The following RASGRF2 variants were observed in gnomAD, a reference collection of about 807,000 sequenced individuals.
The protein encoded by RASGRF2 is ras-specific guanine nucleotide-releasing factor 2.
In RASGRF2, 76 loss-of-function variants were observed where a neutral mutation model predicts 151.0. The observed-to-expected ratio is 0.50, with a 90% CI of 0.42 to 0.61. The LOEUF (loss-of-function observed/expected upper bound fraction) is 0.61. RASGRF2 is among the 20% of genes least tolerant of loss of function. The pLI, the probability that RASGRF2 is intolerant of heterozygous loss-of-function variation, is 0.00. For synonymous variants in RASGRF2, 504 were observed against 566.5 expected (o/e 0.89, Z 1.57); for missense variants, 1,148 against 1,564.6 (o/e 0.73, Z 4.49).
chr5:80,994,659 C>A (rs1307691143), intron 1 of RASGRF2, among the ~76,000 whole-genome samples: 1 of 152,140 alleles, frequency 6.6e-6, no homozygotes, highest in East Asian at 1.9e-4. Flanking sequence ...GACTGCCTCT[C>A]CTGTGAAGAA....
intron 13 of RASGRF2, among the ~76,000 whole-genome samples, chr5:81,109,676 A>G (rs764477486): frequency 6.6e-6 from 1 of 152,096 alleles, no homozygotes; most frequent in South Asian, 2.1e-4. Context: ...AAAAAAAAAT[A>G]CCAACGAAGA....
chr5:81,183,192 C>T (rs914354188), intron 18 of RASGRF2: 25 of 983,976 alleles, frequency 2.5e-5, no homozygotes, highest in African/African-American at 1.6e-4. Flanking sequence ...GAGGCCACTT[C>T]GATTTCTAGA....
chr5:81,162,324 T>C (rs1255343147), intron 17 of RASGRF2, among the ~76,000 whole-genome samples: 4 of 151,752 alleles, frequency 2.6e-5, no homozygotes, highest in Non-Finnish European at 5.9e-5. Context: ...AAATGTGGAA[T>C]GTGCTGGGGG....
At position 80,968,596 on chromosome 5, in the gene RASGRF2, T is replaced by C. The variant is rs181180481; in HGVS notation, c.288+7570T>C. Among the ~76,000 whole-genome samples the C allele has an allele frequency of 4.1e-4, 63 of 152,328 alleles. 1 individual carries two copies. The highest frequency in any genetic ancestry group is 1.0e-3 in the Admixed American group (16 of 15,304). On this transcript the variant is annotated intron_variant, in intron 1 of 26. Coordinates refer to ENST00000265080, the MANE Select transcript of RASGRF2 (RefSeq NM_006909.3). ...TTCATGTTATAATAAAGGAAAAAAC[T>C]TAAGACAATAGTTGTGAAGACATAA...
intron 17 of RASGRF2, among the ~76,000 whole-genome samples, chr5:81,131,329 A>G (rs1315278999): frequency 6.6e-6 from 1 of 151,970 alleles, no homozygotes; most frequent in Non-Finnish European, 1.5e-5. Flanking sequence ...TAATTTCCAC[A>G]TAGACTGGAA....
At chr5:81,154,983 G>A (rs1754226990) in intron 17 of RASGRF2, among the ~76,000 whole-genome samples, 1 of 152,022 alleles carries the variant, frequency 6.6e-6, no homozygotes. Context: ...ATTCTAACTG[G>A]GGTGAGGTGA....
At position 81,070,669 on chromosome 5, in the gene RASGRF2, C is replaced by T. The variant is rs1304863828; in HGVS notation, c.633+88C>T. The T allele has an allele frequency of 5.4e-5, 62 of 1,146,992 alleles. No individual in the cohort carries two copies. The East Asian group carries it at 7.6e-4, about 14-fold the overall frequency. The allele number at this position is 1,146,992 out of a possible 1,614,324, so 71.1% of individuals were successfully genotyped here. ...TGTCTTTGCCACCCTGTGCGTGAGC[C>T]GGGAGCAGCCTTGGTGTTTCTGGGC... On this transcript the variant is annotated intron_variant, in intron 4 of 26. Coordinates refer to ENST00000265080, the MANE Select transcript of RASGRF2 (RefSeq NM_006909.3).
intron 1 of RASGRF2, among the ~76,000 whole-genome samples, chr5:81,028,700 A>G (rs938800626): frequency 8.5e-5 from 13 of 152,236 alleles, no homozygotes; most frequent in Non-Finnish European, 1.8e-4. Flanking sequence ...AGATGGCCGA[A>G]TAGGAACAGC....
chr5:80,994,134 G>C lies in RASGRF2; in HGVS notation c.288+33108G>C, dbSNP rs563331554. Among the ~76,000 whole-genome samples, 22 of 152,122 alleles carry C rather than the reference G, an allele frequency of 1.4e-4. No individual in the cohort carries two copies. In the South Asian group the frequency reaches 3.3e-3, roughly 23 times the overall value. On this transcript the variant is annotated intron_variant, in intron 1 of 26. Coordinates refer to ENST00000265080, the MANE Select transcript of RASGRF2 (RefSeq NM_006909.3). The stretch of plus-strand genomic sequence containing the variant: ...AAGAAGGGGTAGTCTGGGAGGCCAG[G>C]GCGGGCGGATCACGAGGTCAGGAGA...
chr5:80,978,691 G>A (rs1748204260), intron 1 of RASGRF2, among the ~76,000 whole-genome samples: 2 of 152,150 alleles, frequency 1.3e-5, no homozygotes, highest in Admixed American at 1.3e-4. Flanking sequence ...GGAGGCTGAG[G>A]TGGGAGAATC....
chr5:81,145,266 G>C (rs1462886350), intron 17 of RASGRF2, among the ~76,000 whole-genome samples: 2 of 151,960 alleles, frequency 1.3e-5, no homozygotes, highest in Non-Finnish European at 2.9e-5. Flanking sequence ...TGAAGAAGGG[G>C]CCCACAGTCT....
intron 17 of RASGRF2, among the ~76,000 whole-genome samples, chr5:81,139,513 A>G (rs1184532063): frequency 2.7e-5 from 4 of 150,794 alleles, no homozygotes; most frequent in Non-Finnish European, 4.4e-5. Flanking sequence ...GGCAGCTGCC[A>G]CCACACACAC....
intron 17 of RASGRF2, among the ~76,000 whole-genome samples, chr5:81,156,571 A>G (rs1754264442): frequency 6.6e-6 from 1 of 152,224 alleles, no homozygotes; most frequent in Non-Finnish European, 1.5e-5. Flanking sequence ...AATACATCAT[A>G]TAAATAATAA....
In RASGRF2 at chr5:81,153,381, T is replaced by G. The variant is rs76360570; in HGVS notation, c.2686+26218T>G. Among the ~76,000 whole-genome samples the G allele has an allele frequency of 5.3e-5, 8 of 152,300 alleles. No individual in the cohort carries two copies. The East Asian group carries it at 1.5e-3, about 29-fold the overall frequency. On this transcript the variant is annotated intron_variant, in intron 17 of 26. Transcript: ENST00000265080. ...TGGAAGAGGGAGGCAGAAGAGTCAG[T>G]GTCAGATAATGCAATGTGAGAAAGA...
intron 1 of RASGRF2, among the ~76,000 whole-genome samples, chr5:80,977,418 G>C (rs952822395): frequency 6.6e-6 from 1 of 151,908 alleles, no homozygotes; most frequent in African/African-American, 2.4e-5. Flanking sequence ...TTATGTGAAA[G>C]GTGTTTGTAA....
At chr5:80,998,049 G>A (rs1470564927) in intron 1 of RASGRF2, 1 of 151,922 alleles carries the variant, frequency 6.6e-6, no homozygotes, top group African/African-American at 2.4e-5. Context: ...AAAATAGGAA[G>A]ATGAGTGACA....
chr5:81,170,348 C>T (rs940800851), intron 17 of RASGRF2, among the ~76,000 whole-genome samples: 3 of 152,272 alleles, frequency 2.0e-5, no homozygotes, highest in African/African-American at 7.2e-5. Flanking sequence ...GTAAATCAGA[C>T]AATATGATTC....
chr5:81,039,930 C>G (rs1216652262), intron 1 of RASGRF2, among the ~76,000 whole-genome samples: 1 of 152,128 alleles, frequency 6.6e-6, no homozygotes, highest in Non-Finnish European at 1.5e-5. Flanking sequence ...TTGTCCTATT[C>G]AGAGGTACAG....
chr5:81,042,990 G>C lies in RASGRF2; in HGVS notation c.395+7G>C, dbSNP rs1750725644. Reference sequence around the variant, plus strand: ...AGGCCATTCACCAAGCCAGGTATAGGCTCAGTCTTCCTGTGTAGTACTTGA... The same window carrying C: ...AGGCCATTCACCAAGCCAGGTATAGCCTCAGTCTTCCTGTGTAGTACTTGA... On this transcript the variant is annotated splice_region_variant and intron_variant, in intron 2 of 26. Transcript: ENST00000265080. 8 of 1,596,462 alleles carry C rather than the reference G, an allele frequency of 5.0e-6. No homozygotes were observed. The highest frequency in any genetic ancestry group is 1.3e-5 in the African/African-American group (1 of 74,538).
Sources: gnomAD v4.1 joint callset for allele counts (sites outside exome capture counted in the v4.1 genomes callset) on GRCh38, gnomAD v4.1.1 for gene constraint, MANE v1.5 for transcripts, NCBI Gene and HGNC (gene_info 2026-07-23, HGNC 2026-07-21) for gene names.